The following ADAM29 variants were observed in gnomAD, a reference collection of about 807,000 sequenced individuals.
ADAM29 encodes ADAM metallopeptidase domain 29.
For synonymous variants in ADAM29, 367 were observed against 342.3 expected, an observed-to-expected ratio of 1.07 and a Z score of -0.80; for missense variants, 969 against 1,001.8, an observed-to-expected ratio of 0.97 and a Z score of 0.44.
intron 4 of ADAM29, among the ~76,000 whole-genome samples, chr4:174,962,355 C>CA (rs1180563745): frequency 7.3e-5 from 11 of 151,668 alleles, no homozygotes; most frequent in South Asian, 6.3e-4. Context: ...ACTAAAAATA[C>CA]AAAAAAATTA....
intron 4 of ADAM29, among the ~76,000 whole-genome samples, chr4:174,965,101 G>T (rs1019543347): frequency 6.6e-6 from 1 of 152,120 alleles, no homozygotes; most frequent in African/African-American, 2.4e-5. Context: ...TGCTATAACA[G>T]AATACTTGAG....
chr4:174,953,187 G>A (rs905757485), intron 4 of ADAM29, among the ~76,000 whole-genome samples: 4 of 152,132 alleles, frequency 2.6e-5, no homozygotes, highest in Admixed American at 6.5e-5. Context: ...TTGGGAGGCT[G>A]AGGCAGGAGA....
chr4:174,973,989 G>A (rs1167982074), intron 4 of ADAM29, among the ~76,000 whole-genome samples: 3 of 152,206 alleles, frequency 2.0e-5, no homozygotes, highest in African/African-American at 7.2e-5. Context: ...TGCCTCTGAA[G>A]GCAGATCAGT....
chr4:174,919,854 G>T (rs916050336), intron 1 of ADAM29, among the ~76,000 whole-genome samples: 1 of 152,114 alleles, frequency 6.6e-6, no homozygotes, highest in Non-Finnish European at 1.5e-5. Context: ...CATATTCAAA[G>T]ATCCTACTTA....
chr4:174,961,707 A>AT (rs1745832104), intron 4 of ADAM29, among the ~76,000 whole-genome samples: 1 of 152,162 alleles, frequency 6.6e-6, no homozygotes, highest in South Asian at 2.1e-4. Flanking sequence ...TTAGAAAAAC[A>AT]TTTTTTATCA....
At chr4:174,928,427 AG>A (rs1306529327) in intron 2 of ADAM29, among the ~76,000 whole-genome samples, 1 of 149,944 alleles carries the variant, frequency 6.7e-6, no homozygotes, top group African/African-American at 2.4e-5. Flanking sequence ...GGGTCAGTGA[AG>A]GGGGGTTTGT....
intron 4 of ADAM29, among the ~76,000 whole-genome samples, chr4:174,962,299 C>T (rs1745871154): frequency 6.6e-6 from 1 of 151,966 alleles, no homozygotes; most frequent in African/African-American, 2.4e-5. Context: ...ATCATGAGGT[C>T]AGGAAATCAA....
intron 4 of ADAM29, among the ~76,000 whole-genome samples, chr4:174,964,541 AAC>A: frequency 6.6e-6 from 1 of 152,222 alleles, no homozygotes. Context: ...GAAAATATGA[AAC>A]ATGAAGGAAA....
chr4:174,941,870 T>G (rs1175823419), intron 4 of ADAM29, among the ~76,000 whole-genome samples: 1 of 152,148 alleles, frequency 6.6e-6, no homozygotes, highest in Non-Finnish European at 1.5e-5. Context: ...AAGTCCCTTT[T>G]GCATATGAGC....
At chr4:174,947,695 G>T (rs1744933015) in intron 4 of ADAM29, among the ~76,000 whole-genome samples, 1 of 152,132 alleles carries the variant, frequency 6.6e-6, no homozygotes, top group South Asian at 2.1e-4. Context: ...GCCATGTGCA[G>T]ATAAGAATAA....
At chr4:174,943,497 A>G (rs376498366) in intron 4 of ADAM29, among the ~76,000 whole-genome samples, 35 of 152,342 alleles carry the variant, frequency 2.3e-4, no homozygotes, top group South Asian at 1.7e-3. Flanking sequence ...AGCAAGTAAC[A>G]TCTTATATAG....
chr4:174,957,929 A>T (rs571899793), intron 4 of ADAM29, among the ~76,000 whole-genome samples: 3 of 151,926 alleles, frequency 2.0e-5, no homozygotes, highest in African/African-American at 7.2e-5. Flanking sequence ...ATCTTACAAG[A>T]TTCACTGCTC....
rs537974710 is a variant in ADAM29, at chr4:174,956,797, T to C, written c.-180-18549T>C. On this transcript the variant is annotated intron_variant, in intron 4 of 4. Coordinates refer to ENST00000359240, the MANE Select transcript of ADAM29 (RefSeq NM_014269.4). Reference sequence around the variant, plus strand: ...CTAGGATATCAGGCTGTAGATTACATACTTATCACACTATGCACTCTCCAT... The same window carrying C: ...CTAGGATATCAGGCTGTAGATTACACACTTATCACACTATGCACTCTCCAT... 4.9e-4 allele frequency among the ~76,000 whole-genome samples: 75 copies of C among 151,988 alleles called. 1 individual carries two copies. Among genetic ancestry groups the C allele is most frequent in the Non-Finnish European group, 8.6e-4 (58 of 67,808 alleles).
At chr4:174,935,071 C>G (rs1343523915) in intron 3 of ADAM29, among the ~76,000 whole-genome samples, 2 of 152,040 alleles carry the variant, frequency 1.3e-5, no homozygotes, top group Non-Finnish European at 2.9e-5. Context: ...TTATAGGCAT[C>G]AAAGCTATGA....
At chr4:174,939,973 C>T (rs1236808448) in intron 4 of ADAM29, among the ~76,000 whole-genome samples, 2 of 151,990 alleles carry the variant, frequency 1.3e-5, no homozygotes, top group Admixed American at 1.3e-4. Flanking sequence ...TCCTTCCTTT[C>T]CTCCCTACCT....
intron 4 of ADAM29, among the ~76,000 whole-genome samples, chr4:174,964,087 AT>A (rs1023549660): frequency 2.0e-5 from 3 of 151,938 alleles, no homozygotes; most frequent in Non-Finnish European, 2.9e-5. Flanking sequence ...GGATAATAAA[AT>A]TTTTTTTCTA....
chr4:174,966,440 G>A (rs972228773), intron 4 of ADAM29, among the ~76,000 whole-genome samples: 6 of 152,116 alleles, frequency 3.9e-5, no homozygotes, highest in Non-Finnish European at 7.4e-5. Context: ...TATCCCTCCA[G>A]CTATGAAACT....
intron 2 of ADAM29, among the ~76,000 whole-genome samples, chr4:174,922,279 A>G (rs544056622): frequency 1.3e-5 from 2 of 152,340 alleles, no homozygotes; most frequent in South Asian, 4.1e-4. Context: ...AATGTTACAT[A>G]CACTCTTTCA....
At chr4:174,945,152 G>C (rs1025295323) in intron 4 of ADAM29, among the ~76,000 whole-genome samples, 1 of 151,912 alleles carries the variant, frequency 6.6e-6, no homozygotes, top group African/African-American at 2.4e-5. Context: ...TCACAACCTT[G>C]CCAGCATCTG....
Sources: gnomAD v4.1 joint callset for allele counts (sites outside exome capture counted in the v4.1 genomes callset) on GRCh38, gnomAD v4.1.1 for gene constraint, MANE v1.5 for transcripts, NCBI Gene and HGNC (gene_info 2026-07-23, HGNC 2026-07-21) for gene names.